Variants in MED27 observed in about 807,000 individuals in gnomAD.
The protein encoded by MED27 is mediator complex subunit 27, also known as mediator of RNA polymerase II transcription subunit 27.
In MED27, 30 loss-of-function variants were observed where a neutral mutation model predicts 38.2. That is an observed-to-expected ratio of 0.79 (90% CI 0.59 to 1.07). MED27 has a LOEUF of 1.07. Ranked by LOEUF, MED27 falls within the 50% of genes least tolerant of loss-of-function variation. The pLI is 0.00. For missense variants in MED27, 289 were observed against 397.5 expected, an observed-to-expected ratio of 0.73 and a Z score of 2.32; for synonymous variants, 122 against 153.5, an observed-to-expected ratio of 0.79 and a Z score of 1.52.
At chr9:131,907,578 C>T (rs1477090744) in intron 4 of MED27, among the ~76,000 whole-genome samples, 1 of 152,196 alleles carries the variant, frequency 6.6e-6, no homozygotes, top group Non-Finnish European at 1.5e-5. Context: ...CAACCTCCAC[C>T]TCCCAGCCGC....
At chr9:131,893,469 T>G (rs1237945859) in intron 5 of MED27, among the ~76,000 whole-genome samples, 1 of 152,184 alleles carries the variant, frequency 6.6e-6, no homozygotes. Context: ...GGCGACTTGT[T>G]AGTTTTGTGG....
At chr9:131,999,182 T>C (rs919035085) in intron 3 of MED27, among the ~76,000 whole-genome samples, 42 of 152,134 alleles carry the variant, frequency 2.8e-4, no homozygotes, top group African/African-American at 9.7e-4. Context: ...TTAAAAGACA[T>C]ACCTGGGAAT....
At chr9:131,965,711 T>C (rs1831324384) in intron 3 of MED27, among the ~76,000 whole-genome samples, 2 of 152,158 alleles carry the variant, frequency 1.3e-5, no homozygotes, top group Non-Finnish European at 2.9e-5. Flanking sequence ...ATTAAAGTCC[T>C]GGGATACCTT....
At chr9:131,916,160 A>G (rs1830283545) in intron 4 of MED27, among the ~76,000 whole-genome samples, 1 of 152,246 alleles carries the variant, frequency 6.6e-6, no homozygotes, top group South Asian at 2.1e-4. Context: ...AACACAATGA[A>G]AAGATTAACT....
chr9:132,071,407 C>T (rs530101161), intron 2 of MED27, among the ~76,000 whole-genome samples: 194 of 151,468 alleles, frequency 1.3e-3, no homozygotes, highest in Middle Eastern at 6.8e-3. Flanking sequence ...ACCCCATGAA[C>T]GAGCACACAC....
chr9:132,072,499 G>A (rs1833962045), intron 2 of MED27, among the ~76,000 whole-genome samples: 1 of 152,098 alleles, frequency 6.6e-6, no homozygotes, highest in Non-Finnish European at 1.5e-5. Context: ...GAGACTGGCT[G>A]TATTTCATTG....
chr9:132,047,973 T>G (rs894409840), intron 2 of MED27, among the ~76,000 whole-genome samples: 7 of 152,148 alleles, frequency 4.6e-5, no homozygotes, highest in Non-Finnish European at 8.8e-5. Flanking sequence ...ACACTAAGCA[T>G]GTGGGAGTTA....
At chr9:131,977,219 G>C (rs931280597) in intron 3 of MED27, among the ~76,000 whole-genome samples, 5 of 152,152 alleles carry the variant, frequency 3.3e-5, no homozygotes, top group African/African-American at 1.2e-4. Flanking sequence ...GAGCAGAATG[G>C]TGACCATCAT....
intron 2 of MED27, among the ~76,000 whole-genome samples, chr9:132,059,573 T>C (rs1480708625): frequency 1.3e-5 from 2 of 152,112 alleles, no homozygotes; most frequent in African/African-American, 4.8e-5. Context: ...GGCAGCAATC[T>C]GAGGGGCGGG....
intron 4 of MED27, among the ~76,000 whole-genome samples, chr9:131,906,041 C>T (rs760195506): frequency 9.2e-5 from 14 of 152,100 alleles, no homozygotes; most frequent in Non-Finnish European, 1.5e-4. Flanking sequence ...ATGAACAAAA[C>T]GGGGATAGCT....
rs531452951 is a variant in MED27 at position 132,040,162 on chromosome 9, C to T, written c.349-25695G>A. Among the ~76,000 whole-genome samples the T allele has an allele frequency of 4.6e-5, 7 of 152,322 alleles. No individual in the cohort carries two copies. In the South Asian group the frequency reaches 1.0e-3, roughly 23 times the overall value. On this transcript the variant is annotated intron_variant, in intron 2 of 7. Transcript: ENST00000292035. ...GATGACCTGTGAGATTTCACCTTGT[C>T]GTGCTCAGCATCAGTCCCCGCATAT... is the stretch of plus-strand genomic sequence containing the variant.
At chr9:131,863,953 C>T (rs866695764) in intron 6 of MED27, among the ~76,000 whole-genome samples, 1 of 152,160 alleles carries the variant, frequency 6.6e-6, no homozygotes, top group South Asian at 2.1e-4. Flanking sequence ...CAGCACCACC[C>T]CCTGACCTGG....
intron 6 of MED27, among the ~76,000 whole-genome samples, chr9:131,870,127 G>C (rs1021788448): frequency 3.3e-5 from 5 of 152,170 alleles, no homozygotes; most frequent in Non-Finnish European, 7.3e-5. Context: ...AGAGCTGGAG[G>C]GTGCTTTGGA....
intron 4 of MED27, among the ~76,000 whole-genome samples, chr9:131,921,612 T>C (rs1440878794): frequency 1.3e-5 from 2 of 152,228 alleles, no homozygotes; most frequent in Non-Finnish European, 2.9e-5. Flanking sequence ...TGGAAGACAG[T>C]GTGGCAATTC....
intron 2 of MED27, among the ~76,000 whole-genome samples, chr9:132,018,906 A>C (rs892991708): frequency 5.8e-5 from 6 of 103,022 alleles, no homozygotes; most frequent in African/African-American, 1.5e-4. Flanking sequence ...GTTATGATTC[A>C]CTTTATTTTT....
intron 6 of MED27, chr9:131,869,441 CAGCCG>C (rs1464065635): frequency 2.1e-6 from 2 of 975,402 alleles, no homozygotes; most frequent in African/African-American, 3.5e-5. Context: ...CACTCTGTGG[CAGCCG>C]AGGTTCGGTC....
chr9:131,919,525 C>T (rs781105764), intron 4 of MED27, among the ~76,000 whole-genome samples: 13 of 152,120 alleles, frequency 8.5e-5, no homozygotes, highest in Non-Finnish European at 1.6e-4. Context: ...GTCACTCTGT[C>T]ACTTAGTACT....
intron 2 of MED27, among the ~76,000 whole-genome samples, chr9:132,029,939 T>C (rs866481477): frequency 6.6e-6 from 1 of 152,080 alleles, no homozygotes; most frequent in African/African-American, 2.4e-5. Context: ...CTATGGTATG[T>C]GAACTGCTAC....
intron 6 of MED27, among the ~76,000 whole-genome samples, chr9:131,864,550 G>C (rs761372962): frequency 2.0e-5 from 3 of 152,242 alleles, no homozygotes; most frequent in Non-Finnish European, 4.4e-5. Context: ...CCTTAGCTTT[G>C]AGAAGAATGA....
Sources: allele counts gnomAD v4.1 joint callset (sites outside exome capture counted in the v4.1 genomes callset), GRCh38; gene constraint gnomAD v4.1.1; transcripts MANE v1.5; gene names NCBI Gene and HGNC (gene_info 2026-07-23, HGNC 2026-07-21).